IL18R1: variants seen among roughly 807,000 people sequenced by gnomAD.
The protein encoded by IL18R1 is interleukin-18 receptor 1.
IL18R1 carries 40 observed loss-of-function variants against 48.5 expected under a neutral mutation model. The ratio of observed to expected loss-of-function variants is 0.82; its 90% CI spans 0.64 to 1.07. The LOEUF is 1.07. Among genes scored for constraint, IL18R1 ranks in the 50% least tolerant of loss-of-function variants. IL18R1 has a pLI of 0.00. For missense variants in IL18R1, 596 were observed against 633.7 expected (o/e 0.94, Z 0.64); for synonymous variants, 232 against 225.9 (o/e 1.03, Z -0.24).
intron 9 of IL18R1, among the ~76,000 whole-genome samples, chr2:102,393,025 A>G (rs966450469): frequency 6.6e-6 from 1 of 152,250 alleles, no homozygotes; most frequent in African/African-American, 2.4e-5. Flanking sequence ...AATTTTTCAT[A>G]GGTAAGAGCA....
rs1219913823 is a variant in IL18R1 at position 102,397,486 on chromosome 2, T to G, written c.*600T>G. The stretch of plus-strand genomic sequence containing the variant: ...CAGCCAACGGTTCTTGAAAGCTCGG[T>G]AAGGCCCTGCAACGCAGAGCCTGCT... On this transcript the variant is annotated 3_prime_UTR_variant, in exon 11 of 11. Transcript: ENST00000233957. 1 of 152,370 alleles carries G rather than the reference T, an allele frequency of 6.6e-6. No homozygotes were observed. Among genetic ancestry groups the G allele is most frequent in the Non-Finnish European group, 1.5e-5 (1 of 68,080 alleles). The allele number at this position is 152,370 out of a possible 1,614,324, so 9.4% of individuals were successfully genotyped here.
intron 10 of IL18R1, among the ~76,000 whole-genome samples, chr2:102,395,565 A>G (rs1225758265): frequency 6.6e-6 from 1 of 152,192 alleles, no homozygotes; most frequent in Non-Finnish European, 1.5e-5. Flanking sequence ...ATGCCAGATT[A>G]TCAGATGCAT....
rs377276262 is a variant in IL18R1 at position 102,393,296 on chromosome 2, T to C, written c.1112-1173T>C. 5.3e-5 allele frequency among the ~76,000 whole-genome samples: 8 copies of C among 152,304 alleles called. No homozygotes were observed. In the East Asian group the frequency reaches 1.2e-3, roughly 22 times the overall value. ...AACCTACTTACTGATTGATAACTGG[T>C]TTTATTTTTACCAACATTTCATACC... On this transcript the variant is annotated intron_variant, in intron 9 of 10. Transcript: ENST00000233957.
chr2:102,356,452 A>G (rs921156602), intron 1 of IL18R1, 52 bp downstream of exon 1: 4 of 333,150 alleles, frequency 1.2e-5, no homozygotes, highest in Non-Finnish European at 1.3e-5. Context: ...CCCCAGAGGA[A>G]GGGAAGACCA....
intron 3 of IL18R1, among the ~76,000 whole-genome samples, chr2:102,370,273 G>T (rs1679176438): frequency 6.6e-6 from 1 of 152,192 alleles, no homozygotes; most frequent in Non-Finnish European, 1.5e-5. Context: ...TGAGTGTTAG[G>T]AATTGAGGAT....
rs745536546 is a variant in IL18R1 at position 102,375,927 on chromosome 2, G to A, written c.489G>A (p.Leu163=). ...AACAGAACTGTAAAAAGCTACTACT[G>A]GAGAACAATAAAAACCCAACGATAA... ...SLYKNCKKLL[L]ENNKNPTIKK... The change falls in exon 5 of 11, where the codon CTG becomes CTA. Residue 163 remains leucine, a synonymous_variant. Coordinates refer to ENST00000233957, the MANE Select transcript of IL18R1 (RefSeq NM_003855.5). 7 of 1,590,634 alleles carry A rather than the reference G, an allele frequency of 4.4e-6. No homozygotes were observed. Among genetic ancestry groups the A allele is most frequent in the Admixed American group, 1.8e-5 (1 of 54,150 alleles).
At chr2:102,383,645 C>A (rs1206513669) in intron 6 of IL18R1, among the ~76,000 whole-genome samples, 1 of 152,028 alleles carries the variant, frequency 6.6e-6, no homozygotes, top group Non-Finnish European at 1.5e-5. Context: ...CATCCCTTTA[C>A]TACTAACATT....
At chr2:102,388,016 AACAG>A (rs1254400799) in intron 8 of IL18R1, among the ~76,000 whole-genome samples, 1 of 152,156 alleles carries the variant, frequency 6.6e-6, no homozygotes, top group Non-Finnish European at 1.5e-5. Flanking sequence ...ATGAGAGTGA[AACAG>A]ACAGAGAGAC....
Position 102,398,687 on chromosome 2 carries a change from A to G in IL18R1, c.*1801A>G, listed in dbSNP as rs1434011378. On this transcript the variant is annotated 3_prime_UTR_variant, in exon 11 of 11. Coordinates refer to ENST00000233957, the MANE Select transcript of IL18R1 (RefSeq NM_003855.5). ...ATACTTGAAATATATTTTGCATTAAATGCATTTCAAGTTAAATGTCTTAAA... is the reference window on the plus strand; with the variant it reads ...ATACTTGAAATATATTTTGCATTAAGTGCATTTCAAGTTAAATGTCTTAAA... 6.6e-6 allele frequency: 1 copy of G among 152,380 alleles called. No homozygotes were observed. Among genetic ancestry groups the G allele is most frequent in the African/African-American group, 2.4e-5 (1 of 41,462 alleles). 9.4% of individuals were successfully genotyped at this position (152,380 alleles called of 1,614,324 possible).
intron 4 of IL18R1, among the ~76,000 whole-genome samples, chr2:102,375,631 T>G (rs1679531840): frequency 6.6e-6 from 1 of 152,160 alleles, no homozygotes; most frequent in African/African-American, 2.4e-5. Context: ...AAGAGAGAGA[T>G]GAAAGAATAT....
At chr2:102,365,717 A>G (rs1442555829) in intron 2 of IL18R1, among the ~76,000 whole-genome samples, 2 of 152,212 alleles carry the variant, frequency 1.3e-5, no homozygotes, top group Non-Finnish European at 2.9e-5. Context: ...TTTTGCCTGG[A>G]CATCCAGCAT....
chr2:102,376,098 G>A lies in IL18R1; in HGVS notation c.625+35G>A, dbSNP rs375166889. The A allele has an allele frequency of 9.0e-5, 135 of 1,498,036 alleles. 1 individual carries two copies. The highest frequency in any genetic ancestry group is 1.0e-4 in the Non-Finnish European group (114 of 1,118,946). 92.8% of individuals were successfully genotyped at this position (1,498,036 alleles called of 1,614,324 possible). ...ATCTTAGAATTGGGAAGAAACAGACGTATTTTAGTAAAATGGAATTTTTTC... is the reference window on the plus strand; with the variant it reads ...ATCTTAGAATTGGGAAGAAACAGACATATTTTAGTAAAATGGAATTTTTTC... On this transcript the variant is annotated intron_variant, in intron 5 of 10. Coordinates refer to ENST00000233957, the MANE Select transcript of IL18R1 (RefSeq NM_003855.5).
chr2:102,395,400 T>C (rs1348396369), intron 10 of IL18R1, among the ~76,000 whole-genome samples: 1 of 152,062 alleles, frequency 6.6e-6, no homozygotes, highest in Non-Finnish European at 1.5e-5. Context: ...ATCTAATATT[T>C]ATTGGATACT....
intron 5 of IL18R1, among the ~76,000 whole-genome samples, chr2:102,380,408 C>T (rs931858944): frequency 6.6e-6 from 1 of 152,188 alleles, no homozygotes; most frequent in Non-Finnish European, 1.5e-5. Context: ...AGTTTTCCCC[C>T]TCACACCGAA....
chr2:102,396,770 A>T lies in IL18R1; in HGVS notation c.1510A>T (p.Lys504Ter). 6.2e-7 allele frequency: 1 copy of T among 1,614,100 alleles called. No homozygotes were observed. Among genetic ancestry groups the T allele is most frequent in the Non-Finnish European group, 8.5e-7 (1 of 1,179,904 alleles). The stretch of plus-strand genomic sequence containing the variant: ...CAGAGTTCTGAAGTGGAAGGCCGAT[A>T]AATCTCTTTCTTATAACTCAAGGTT... Reference protein sequence around the residue: ...SHRVLKWKADKSLSYNSRFWK... With the variant: ...SHRVLKWKAD The change falls in exon 11 of 11, where the codon AAA becomes TAA. Residue 504 changes from lysine (K) to a stop codon, truncating the protein, a stop_gained. Coordinates refer to ENST00000233957, the MANE Select transcript of IL18R1 (RefSeq NM_003855.5). LOFTEE classifies it low-confidence loss of function (END_TRUNC).
At chr2:102,374,106 C>T in intron 4 of IL18R1, 1 of 220,416 alleles carries the variant, frequency 4.5e-6, no homozygotes, top group Non-Finnish European at 9.9e-6. Context: ...CCCCGCTCAA[C>T]CCCTGCCCAC....
chr2:102,362,529 TG>T lies in IL18R1; in HGVS notation c.-28-103del, dbSNP rs556685593. ...TAAGGATTATAAAAATCTTCTAGGT[TG>T]TTTTTTTAAAAATCTGTGTGCCAGA... On this transcript the variant is annotated intron_variant, in intron 1 of 10. Transcript: ENST00000233957. The T allele has an allele frequency of 2.9e-4, 182 of 633,616 alleles. 3 individuals carry two copies. In the South Asian group the frequency reaches 3.9e-3, roughly 14 times the overall value. The allele number at this position is 633,616 out of a possible 1,614,324, so 39.2% of individuals were successfully genotyped here. A position where few individuals can be genotyped will look rare whatever the true frequency, so the allele number is the denominator to read the frequency against.
chr2:102,381,620 A>T lies in IL18R1; in HGVS notation c.626A>T (p.Asp209Val). 6.2e-7 allele frequency: 1 copy of T among 1,611,934 alleles called. No individual in the cohort carries two copies. Among genetic ancestry groups the T allele is most frequent in the Non-Finnish European group, 8.5e-7 (1 of 1,178,004 alleles). The change falls in exon 6 of 11, where the codon GAT becomes GTT. Residue 209 changes from aspartate to valine, a missense_variant and splice_region_variant. By Grantham distance (152) the Asp-to-Val change is radical. Around this residue, in one of 3 missense-constraint regions of IL18R1, gnomAD observed 360 missense variants for 339.4 expected, o/e 1.06. Coordinates refer to ENST00000233957, the MANE Select transcript of IL18R1 (RefSeq NM_003855.5). ...TKTFNITIVE[D>V]RSNIVPVLLG... ...TTGTCTTTTCTTTTGTCACTTCTAG[A>T]TCGCAGTAATATAGTTCCGGTTCTT... is the stretch of plus-strand genomic sequence containing the variant.
At chr2:102,367,177 A>G (rs953318919) in intron 2 of IL18R1, among the ~76,000 whole-genome samples, 1 of 152,202 alleles carries the variant, frequency 6.6e-6, no homozygotes, top group Non-Finnish European at 1.5e-5. Flanking sequence ...ATCTGGGTCA[A>G]TTGAGAAAGA....
Sources: allele counts gnomAD v4.1 joint callset (sites outside exome capture counted in the v4.1 genomes callset), GRCh38; gene constraint gnomAD v4.1.1; regional missense constraint gnomAD v4.1.1; transcripts MANE v1.5; gene names NCBI Gene and HGNC (gene_info 2026-07-23, HGNC 2026-07-21).